Variants in APOO observed in about 807,000 individuals in gnomAD.
The protein encoded by APOO is apolipoprotein O, also known as MICOS complex subunit MIC26.
Under a neutral mutation model 23.1 loss-of-function variants are expected in APOO, and 11 were observed. The ratio of observed to expected loss-of-function variants is 0.48; its 90% CI spans 0.30 to 0.79. The LOEUF (loss-of-function observed/expected upper bound fraction) is 0.79, where lower values mean the gene tolerates loss of function less well. Among genes scored for constraint, APOO ranks in the 30% least tolerant of loss-of-function variants. The pLI is 0.07. For synonymous variants in APOO, 59 were observed against 54.8 expected (o/e 1.08, Z -0.34); for missense variants, 160 against 142.7 (o/e 1.12, Z -0.62).
At chrX:23,866,712 C>T (rs930605895) in intron 5 of APOO, among the ~76,000 whole-genome samples, 6 of 110,503 alleles carry the variant, frequency 5.4e-5, no homozygotes, top group Non-Finnish European at 7.6e-5. Flanking sequence ...TCACTTGAGC[C>T]CAGGAGGTCC....
rs544250367 is a variant in APOO at position 23,847,982 on chromosome X, T to A, written c.562-7605A>T. Reference sequence around the variant, plus strand: ...ACCTCCGCCTCCTGGGTTCAAGCGATTCTCCTGCCTCAGCTTCCCGAGTAG... The same window carrying A: ...ACCTCCGCCTCCTGGGTTCAAGCGAATCTCCTGCCTCAGCTTCCCGAGTAG... On this transcript the variant is annotated intron_variant, in intron 7 of 8. Coordinates refer to ENST00000379226, the MANE Select transcript of APOO (RefSeq NM_024122.5). Among the ~76,000 whole-genome samples, 21 of 108,677 alleles carry A rather than the reference T, an allele frequency of 1.9e-4. No homozygotes were observed. In the South Asian group the frequency reaches 7.2e-3, roughly 37 times the overall value. The allele number at this position is 108,677 out of a possible 115,157, so 94.4% of individuals were successfully genotyped here.
intron 3 of APOO, 54 bp downstream of exon 3, chrX:23,878,861 C>A: frequency 8.5e-7 from 1 of 1,172,876 alleles, no homozygotes; most frequent in African/African-American, 1.8e-5. Context: ...TACAGACTTT[C>A]CTCTATGGAC....
chrX:23,846,590 C>G (rs1259109179), intron 7 of APOO, among the ~76,000 whole-genome samples: 6 of 93,547 alleles, frequency 6.4e-5, no homozygotes, highest in Non-Finnish European at 1.2e-4. Context: ...CACTGCACCA[C>G]TGCACTCCAG....
At chrX:23,873,795 G>A (rs763445239) in intron 4 of APOO, among the ~76,000 whole-genome samples, 7 of 111,003 alleles carry the variant, frequency 6.3e-5, no homozygotes, top group Admixed American at 9.7e-5. Flanking sequence ...TTTTGTTTGC[G>A]AGATGCCTAA....
At chrX:23,849,581 CTT>C (rs1924426911) in intron 7 of APOO, among the ~76,000 whole-genome samples, 1 of 36,387 alleles carries the variant, frequency 2.7e-5, no homozygotes, top group Non-Finnish European at 4.0e-5. Context: ...TTAAGAGAGA[CTT>C]AAAAAAAAAA....
intron 3 of APOO, among the ~76,000 whole-genome samples, chrX:23,877,679 C>T (rs892213038): frequency 2.8e-5 from 3 of 108,286 alleles, no homozygotes; most frequent in African/African-American, 6.7e-5. Flanking sequence ...GAGGCTGAGG[C>T]GGGAGAACTG....
rs750609010 is a variant in APOO, at chrX:23,856,377, A to G, written c.486T>C (p.Ser162=). 12 of 1,199,351 alleles carry G rather than the reference A, an allele frequency of 1.0e-5. No individual in the cohort carries two copies. The highest frequency in any genetic ancestry group is 1.4e-5 in the Non-Finnish European group (12 of 887,345). Residue 162 remains serine, a synonymous_variant, in exon 7 of 9, where the codon AGT becomes AGC. Transcript: ENST00000379226. ...PQQAIVFAQV[S]GERLYDWGLR... is the part of the protein sequence containing the mutation. ...AACCCCAGTCATATAATCTCTCCCC[A>G]CTGACCTTAAAACAAAATAGAAAAG...
chrX:23,905,983 C>A (rs140152034), intron 1 of APOO, among the ~76,000 whole-genome samples: 119 of 112,601 alleles, frequency 1.1e-3, no homozygotes, highest in South Asian at 1.8e-3. Flanking sequence ...TGGCCCCCAG[C>A]GAAGTGCACC....
intron 1 of APOO, among the ~76,000 whole-genome samples, chrX:23,889,953 G>T (rs751127361): frequency 2.7e-5 from 3 of 110,534 alleles, no homozygotes; most frequent in Non-Finnish European, 3.8e-5. Context: ...CAGCCACCGC[G>T]CCTGGCCCAC....
chrX:23,893,200 G>A (rs757386429), intron 1 of APOO, among the ~76,000 whole-genome samples: 4 of 107,588 alleles, frequency 3.7e-5, no homozygotes, highest in African/African-American at 6.8e-5. Flanking sequence ...GGCAGATCAC[G>A]AGGTCAGGAG....
intron 1 of APOO, among the ~76,000 whole-genome samples, chrX:23,900,390 C>CT (rs1927075990): frequency 1.8e-5 from 2 of 111,567 alleles, no homozygotes; most frequent in Non-Finnish European, 3.8e-5. Flanking sequence ...GAAATCTCAA[C>CT]TGGCCCGGCA....
chrX:23,866,727 T>A (rs1348497429), intron 5 of APOO, among the ~76,000 whole-genome samples: 1 of 110,299 alleles, frequency 9.1e-6, no homozygotes, highest in Non-Finnish European at 1.9e-5. Flanking sequence ...AGGTCCAGGC[T>A]GCAATGAGCT....
chrX:23,889,841 T>G (rs1173358495), intron 1 of APOO, among the ~76,000 whole-genome samples: 2 of 109,495 alleles, frequency 1.8e-5, no homozygotes, highest in Non-Finnish European at 3.8e-5. Context: ...TTTTGTATTT[T>G]TAGTAGAGAC....
chrX:23,865,574 A>C (rs1362589415), intron 5 of APOO, among the ~76,000 whole-genome samples: 21 of 104,522 alleles, frequency 2.0e-4, no homozygotes, highest in South Asian at 4.7e-4. Flanking sequence ...ACTGCACTCC[A>C]GTCTCGGCAA....
chrX:23,887,357 C>T (rs1248189952), intron 1 of APOO, among the ~76,000 whole-genome samples: 3 of 106,089 alleles, frequency 2.8e-5, no homozygotes, highest in Non-Finnish European at 5.8e-5. Flanking sequence ...CCTCAGCCTC[C>T]CAAGTAGCTG....
chrX:23,881,529 ACT>A (rs1311469190), intron 1 of APOO, among the ~76,000 whole-genome samples: 2 of 81,009 alleles, frequency 2.5e-5, no homozygotes, highest in Non-Finnish European at 4.5e-5. Flanking sequence ...ATAGAGTGAG[ACT>A]CTGTTTCACA....
intron 8 of APOO, among the ~76,000 whole-genome samples, chrX:23,839,225 G>A (rs1164442019): frequency 8.9e-6 from 1 of 112,295 alleles, no homozygotes; most frequent in Non-Finnish European, 1.9e-5. Context: ...AGAGGAACTG[G>A]ATTTGTTTTC....
intron 7 of APOO, among the ~76,000 whole-genome samples, chrX:23,853,346 CA>C (rs1292640013): frequency 9.0e-6 from 1 of 111,237 alleles, no homozygotes; most frequent in Non-Finnish European, 1.9e-5. Context: ...GCAAGATCAA[CA>C]AAAAACAATG....
chrX:23,851,755 CACAA>C (rs980061704), intron 7 of APOO, among the ~76,000 whole-genome samples: 7 of 112,007 alleles, frequency 6.2e-5, no homozygotes, highest in African/African-American at 2.3e-4. Flanking sequence ...GAAGACTCAG[CACAA>C]ACATTTAGAA....
Sources: gnomAD v4.1 joint callset for allele counts (sites outside exome capture counted in the v4.1 genomes callset) on GRCh38, gnomAD v4.1.1 for gene constraint, MANE v1.5 for transcripts, NCBI Gene and HGNC (gene_info 2026-07-23, HGNC 2026-07-21) for gene names.